KCNK10: variants seen among roughly 807,000 people sequenced by gnomAD.
The protein encoded by KCNK10 is potassium channel subfamily K member 10.
A neutral mutation model predicts 47.7 loss-of-function variants in KCNK10; 25 were observed. The observed-to-expected ratio is 0.52, with a 90% CI of 0.38 to 0.73. KCNK10 has a LOEUF of 0.73. Among genes scored for constraint, KCNK10 ranks in the 30% least tolerant of loss-of-function variants. The pLI is 0.00. For synonymous variants in KCNK10, 303 were observed against 285.6 expected (o/e 1.06, Z -0.61); for missense variants, 563 against 714.5 (o/e 0.79, Z 2.42).
chr14:88,254,211 C>T (rs1464401767), intron 2 of KCNK10, among the ~76,000 whole-genome samples: 1 of 152,166 alleles, frequency 6.6e-6, no homozygotes, highest in Non-Finnish European at 1.5e-5. Context: ...AGAAGGCAGC[C>T]TACCAGGGAG....
intron 5 of KCNK10, among the ~76,000 whole-genome samples, chr14:88,190,567 A>C (rs1309891426): frequency 6.6e-6 from 1 of 152,188 alleles, no homozygotes; most frequent in Non-Finnish European, 1.5e-5. Context: ...AAATGGGTAG[A>C]GTCCCAGGCT....
At chr14:88,278,270 AT>A (rs1887569964) in intron 1 of KCNK10, among the ~76,000 whole-genome samples, 1 of 152,150 alleles carries the variant, frequency 6.6e-6, no homozygotes, top group South Asian at 2.1e-4. Context: ...CTTCAGTATC[AT>A]TTTCAAGGAT....
In KCNK10 at chr14:88,184,198, T is replaced by G. The variant is rs890415697; in HGVS notation, c.*1337A>C. On this transcript the variant is annotated 3_prime_UTR_variant, in exon 7 of 7. Transcript: ENST00000319231. ...CCTCACAGACCAATCATAATTATGA[T>G]GTGTTAGCTTATCGTTTGCCTGGGA... The G allele has an allele frequency of 3.3e-5, 5 of 152,352 alleles. No individual in the cohort carries two copies. The highest frequency in any genetic ancestry group is 1.2e-4 in the African/African-American group (5 of 41,456). 9.4% of individuals were successfully genotyped at this position (152,352 alleles called of 1,614,324 possible). A position where few individuals can be genotyped will look rare whatever the true frequency, so the allele number is the denominator to read the frequency against.
chr14:88,236,492 C>A (rs531535872), intron 3 of KCNK10, among the ~76,000 whole-genome samples: 1 of 152,286 alleles, frequency 6.6e-6, no homozygotes, highest in South Asian at 2.1e-4. Flanking sequence ...AGTAAGTGAT[C>A]ATGAGATAAA....
intron 1 of KCNK10, among the ~76,000 whole-genome samples, chr14:88,266,902 T>G (rs1474614564): frequency 6.6e-6 from 1 of 152,200 alleles, no homozygotes; most frequent in African/African-American, 2.4e-5. Flanking sequence ...TCCCTGAGGC[T>G]GGGCAGAATT....
intron 1 of KCNK10, chr14:88,271,056 T>G: frequency 2.1e-6 from 1 of 480,066 alleles, no homozygotes; most frequent in Middle Eastern, 5.3e-4. Flanking sequence ...CAGGTCTCGC[T>G]TCCCAGATTC....
intron 4 of KCNK10, among the ~76,000 whole-genome samples, chr14:88,208,201 C>A (rs2139847215): frequency 6.6e-6 from 1 of 152,294 alleles, no homozygotes; most frequent in African/African-American, 2.4e-5. Context: ...GAATTCAAGA[C>A]ATTTCTAGAA....
intron 4 of KCNK10, among the ~76,000 whole-genome samples, chr14:88,221,094 G>C (rs1885795266): frequency 6.6e-6 from 1 of 152,012 alleles, no homozygotes; most frequent in South Asian, 2.1e-4. Flanking sequence ...CTGAGGTCAG[G>C]AGTTCAAGAC....
intron 1 of KCNK10, among the ~76,000 whole-genome samples, chr14:88,293,374 T>C (rs530271872): frequency 6.6e-6 from 1 of 152,302 alleles, no homozygotes; most frequent in East Asian, 1.9e-4. Context: ...AATAGCATAG[T>C]TGATTTTAAA....
At chr14:88,234,281 C>A (rs764456851) in intron 3 of KCNK10, among the ~76,000 whole-genome samples, 1 of 152,230 alleles carries the variant, frequency 6.6e-6, no homozygotes, top group Non-Finnish European at 1.5e-5. Flanking sequence ...ATCTTGAATA[C>A]TTTTAATAGC....
intron 1 of KCNK10, among the ~76,000 whole-genome samples, chr14:88,304,398 A>G (rs1408985814): frequency 6.6e-6 from 1 of 152,222 alleles, no homozygotes; most frequent in Non-Finnish European, 1.5e-5. Context: ...ACTGACCCTC[A>G]TTATTCACTG....
At chr14:88,278,819 G>C (rs1216150502) in intron 1 of KCNK10, among the ~76,000 whole-genome samples, 1 of 152,166 alleles carries the variant, frequency 6.6e-6, no homozygotes, top group Non-Finnish European at 1.5e-5. Context: ...AGAAACAAAG[G>C]CATAAAAACT....
At chr14:88,247,980 G>C (rs1259640516) in intron 2 of KCNK10, among the ~76,000 whole-genome samples, 1 of 152,212 alleles carries the variant, frequency 6.6e-6, no homozygotes, top group East Asian at 1.9e-4. Flanking sequence ...ATCAGGGATA[G>C]ATGTGTATAC....
chr14:88,266,429 T>C (rs1158589294), intron 1 of KCNK10, among the ~76,000 whole-genome samples: 1 of 152,218 alleles, frequency 6.6e-6, no homozygotes, highest in Admixed American at 6.5e-5. Flanking sequence ...ACCTCCTCTA[T>C]GAAGTCGTCC....
chr14:88,326,191 A>G (rs9671728), upstream of KCNK10, among the ~76,000 whole-genome samples: 1 of 113,830 alleles, frequency 8.8e-6, no homozygotes, highest in African/African-American at 3.4e-5. Flanking sequence ...GCCCCCCCCC[A>G]AAAAAAAATC....
chr14:88,189,869 G>T (rs1016148984), intron 5 of KCNK10, among the ~76,000 whole-genome samples: 11 of 152,218 alleles, frequency 7.2e-5, no homozygotes, highest in Non-Finnish European at 1.6e-4. Flanking sequence ...TTTCAGGCAT[G>T]CATTCTCCAG....
chr14:88,276,444 T>G (rs1292092613), intron 1 of KCNK10, among the ~76,000 whole-genome samples: 2 of 152,104 alleles, frequency 1.3e-5, no homozygotes, highest in Admixed American at 1.3e-4. Context: ...TCTATGGTAT[T>G]TCATTATAGT....
Position 88,182,305 on chromosome 14 carries a change from A to C in KCNK10, c.*3230T>G. The C allele has an allele frequency of 6.6e-6, 1 of 151,950 alleles. No homozygotes were observed. Among genetic ancestry groups the C allele is most frequent in the African/African-American group, 2.4e-5 (1 of 41,294 alleles). The allele number at this position is 151,950 out of a possible 1,614,324, so 9.4% of individuals were successfully genotyped here. A position where few individuals can be genotyped will look rare whatever the true frequency, so the allele number is the denominator to read the frequency against. On this transcript the variant is annotated 3_prime_UTR_variant, in exon 7 of 7. Transcript: ENST00000319231. The stretch of plus-strand genomic sequence containing the variant: ...CTCTTTCTTTGTGTGAAATCGAAAC[A>C]TTTCTCCTAGGTTTATGCTGGAATG...
At chr14:88,258,400 C>T (rs1262435805) in intron 2 of KCNK10, among the ~76,000 whole-genome samples, 1 of 151,780 alleles carries the variant, frequency 6.6e-6, no homozygotes, top group Admixed American at 6.6e-5. Flanking sequence ...AAGCAACTCT[C>T]CTGCCTCAGC....
Sources: gnomAD v4.1 joint callset for allele counts (sites outside exome capture counted in the v4.1 genomes callset) on GRCh38, gnomAD v4.1.1 for gene constraint, MANE v1.5 for transcripts, NCBI Gene and HGNC (gene_info 2026-07-23, HGNC 2026-07-21) for gene names.